C9orf153: variants seen among roughly 807,000 people sequenced by gnomAD.
C9orf153 encodes the protein chromosome 9 open reading frame 153.
A neutral mutation model predicts 9.0 loss-of-function variants in C9orf153; 10 were observed. That is an observed-to-expected ratio of 1.11 (90% CI 0.69 to 1.89). The LOEUF is 1.89. Among genes scored for constraint, C9orf153 ranks in the 40% most tolerant of loss-of-function variants. The pLI, the probability that C9orf153 is intolerant of heterozygous loss-of-function variation, is 0.00. For synonymous variants in C9orf153, 35 were observed against 37.3 expected (o/e 0.94, Z 0.23); for missense variants, 108 against 111.0 (o/e 0.97, Z 0.12).
chr9:86,245,362 C>G (rs746745410), intron 1 of C9orf153, among the ~76,000 whole-genome samples: 4 of 152,186 alleles, frequency 2.6e-5, no homozygotes, highest in Non-Finnish European at 4.4e-5. Flanking sequence ...TCTCCAGAAG[C>G]CTTTCATCTT....
At chr9:86,224,994 A>T (rs961384281) in intron 3 of C9orf153, among the ~76,000 whole-genome samples, 1 of 151,178 alleles carries the variant, frequency 6.6e-6, no homozygotes, top group Non-Finnish European at 1.5e-5. Context: ...GTACCCCTAG[A>T]CTTCTAATTA....
chr9:86,235,553 A>G (rs1824564076), intron 1 of C9orf153, among the ~76,000 whole-genome samples: 1 of 151,738 alleles, frequency 6.6e-6, no homozygotes, highest in Admixed American at 6.6e-5. Flanking sequence ...TCAGGAGTTC[A>G]AGACCAGCCT....
intron 1 of C9orf153, among the ~76,000 whole-genome samples, chr9:86,251,578 T>C (rs1824994310): frequency 6.6e-6 from 1 of 152,082 alleles, no homozygotes; most frequent in African/African-American, 2.4e-5. Context: ...CATGAGAATA[T>C]GGTTTTTGTT....
chr9:86,257,974 T>C (rs1171586517), intron 1 of C9orf153, among the ~76,000 whole-genome samples: 1 of 152,184 alleles, frequency 6.6e-6, no homozygotes, highest in Non-Finnish European at 1.5e-5. Flanking sequence ...AGATATTAGA[T>C]GCGGAGGCCA....
intron 1 of C9orf153, among the ~76,000 whole-genome samples, chr9:86,252,994 C>CA (rs1825028735): frequency 6.7e-6 from 1 of 149,716 alleles, no homozygotes; most frequent in Non-Finnish European, 1.5e-5. Context: ...GTTAAGAAAA[C>CA]TTTTTTTTTT....
At chr9:86,243,616 C>T (rs1234013103) in intron 1 of C9orf153, among the ~76,000 whole-genome samples, 1 of 152,096 alleles carries the variant, frequency 6.6e-6, no homozygotes, top group Non-Finnish European at 1.5e-5. Context: ...ATCCCCCAGG[C>T]TCTAGCCATC....
In C9orf153 at chr9:86,233,041, T is replaced by C. The variant is rs531466545; in HGVS notation, c.-26-3412A>G. On this transcript the variant is annotated intron_variant, in intron 1 of 3. Coordinates refer to ENST00000339137, the MANE Select transcript of C9orf153 (RefSeq NM_001276366.4). Reference sequence around the variant, plus strand: ...CACCATTGCGCCCGGCCCCTCCTCATAACTCTTGTGGAATATTTCCCCTCA... The same window carrying C: ...CACCATTGCGCCCGGCCCCTCCTCACAACTCTTGTGGAATATTTCCCCTCA... Among the ~76,000 whole-genome samples the C allele has an allele frequency of 7.2e-5, 11 of 152,226 alleles. No individual in the cohort carries two copies. The East Asian group carries it at 2.1e-3, about 30-fold the overall frequency.
intron 3 of C9orf153, among the ~76,000 whole-genome samples, chr9:86,223,228 C>T (rs892112672): frequency 1.3e-5 from 2 of 152,044 alleles, no homozygotes; most frequent in Admixed American, 6.6e-5. Context: ...GTCCCAAACT[C>T]CTGACCTCAG....
chr9:86,250,358 C>T (rs963306719), intron 1 of C9orf153, among the ~76,000 whole-genome samples: 5 of 152,080 alleles, frequency 3.3e-5, no homozygotes, highest in Non-Finnish European at 7.4e-5. Context: ...TTAGCCTGTG[C>T]TTTGTGGGAG....
At chr9:86,239,819 T>A (rs972275824) in intron 1 of C9orf153, among the ~76,000 whole-genome samples, 3 of 152,198 alleles carry the variant, frequency 2.0e-5, no homozygotes, top group Non-Finnish European at 4.4e-5. Flanking sequence ...AAAAATCTAG[T>A]CAGTTACATT....
chr9:86,227,816 A>G (rs778221489), intron 3 of C9orf153, 39 bp downstream of exon 3: 2 of 1,583,514 alleles, frequency 1.3e-6, no homozygotes, highest in Non-Finnish European at 8.6e-7. Flanking sequence ...GAGGAGCTCA[A>G]TCATGGATGC....
chr9:86,224,709 C>T (rs147968302), intron 3 of C9orf153, among the ~76,000 whole-genome samples: 53 of 149,828 alleles, frequency 3.5e-4, no homozygotes, highest in African/African-American at 1.3e-3. Context: ...AGGCGGATCA[C>T]GAGGTCAGGA....
chr9:86,224,616 A>G (rs1009954601), intron 3 of C9orf153, among the ~76,000 whole-genome samples: 1 of 152,126 alleles, frequency 6.6e-6, no homozygotes, highest in Admixed American at 6.6e-5. Context: ...CTATTGAAAC[A>G]TATATTGTAC....
At chr9:86,231,779 A>G (rs1824476854) in intron 1 of C9orf153, among the ~76,000 whole-genome samples, 1 of 152,130 alleles carries the variant, frequency 6.6e-6, no homozygotes, top group Admixed American at 6.6e-5. Flanking sequence ...TTACAATGAG[A>G]CTTGATTGTG....
In C9orf153 at chr9:86,233,423, T is replaced by A. The variant is rs978452811; in HGVS notation, c.-26-3794A>T. Among the ~76,000 whole-genome samples the A allele has an allele frequency of 3.9e-5, 6 of 152,262 alleles. 1 individual carries two copies. Among genetic ancestry groups the A allele is most frequent in the African/African-American group, 1.4e-4 (6 of 41,548 alleles). ...TAGTTTTTACAGTCCTCACTTTTCT[T>A]TTTTCTTTTTTGAGACAGAGTCTGG... is the stretch of plus-strand genomic sequence containing the variant. On this transcript the variant is annotated intron_variant, in intron 1 of 3. Transcript: ENST00000339137.
intron 3 of C9orf153, among the ~76,000 whole-genome samples, chr9:86,222,047 G>A (rs530913157): frequency 2.0e-5 from 3 of 151,988 alleles, no homozygotes; most frequent in South Asian, 4.2e-4. Flanking sequence ...CACCACACCC[G>A]GTTACTTTTT....
chr9:86,255,715 G>A (rs1825109529), intron 1 of C9orf153, among the ~76,000 whole-genome samples: 1 of 152,184 alleles, frequency 6.6e-6, no homozygotes. Context: ...GGCGTTTGGA[G>A]CAATCATTCT....
rs533791494 is a variant in C9orf153 at position 86,250,854 on chromosome 9, G to A, written c.-27+8696C>T. On this transcript the variant is annotated intron_variant, in intron 1 of 3. Coordinates refer to ENST00000339137, the MANE Select transcript of C9orf153 (RefSeq NM_001276366.4). ...TACCCTCAGAATGGTAGTTGAAAAC[G>A]AATTGTGAAAAAGGCATACAAATTT... 5.1e-4 allele frequency among the ~76,000 whole-genome samples: 77 copies of A among 152,246 alleles called. 1 individual carries two copies. In the South Asian group the frequency reaches 0.014, roughly 28 times the overall value.
chr9:86,238,295 A>G (rs1248104663), intron 1 of C9orf153, among the ~76,000 whole-genome samples: 1 of 152,194 alleles, frequency 6.6e-6, no homozygotes, highest in African/African-American at 2.4e-5. Flanking sequence ...TATAATTGAC[A>G]TCTATAGACT....
Sources: allele counts gnomAD v4.1 joint callset (sites outside exome capture counted in the v4.1 genomes callset), GRCh38; gene constraint gnomAD v4.1.1; transcripts MANE v1.5; gene names NCBI Gene and HGNC (gene_info 2026-07-23, HGNC 2026-07-21).